The following DENND1B variants were observed in gnomAD, a reference collection of about 807,000 sequenced individuals.
The protein encoded by DENND1B is DENN domain-containing protein 1B.
Under a neutral mutation model 90.1 loss-of-function variants are expected in DENND1B, and 59 were observed. The observed-to-expected ratio is 0.65, with a 90% CI of 0.53 to 0.81. DENND1B has a LOEUF of 0.81. Among genes scored for constraint, DENND1B ranks in the 40% least tolerant of loss-of-function variants. DENND1B has a pLI of 0.00. For synonymous variants in DENND1B, 337 were observed against 324.6 expected (o/e 1.04, Z -0.41); for missense variants, 862 against 912.6 (o/e 0.94, Z 0.71).
At chr1:197,749,039 A>G (rs1653093964) in intron 2 of DENND1B, among the ~76,000 whole-genome samples, 1 of 152,170 alleles carries the variant, frequency 6.6e-6, no homozygotes, top group South Asian at 2.1e-4. Flanking sequence ...CAGATTGGAT[A>G]CTGTAGAATA....
At chr1:197,539,043 A>T (rs569132458) in intron 20 of DENND1B, among the ~76,000 whole-genome samples, 5 of 152,252 alleles carry the variant, frequency 3.3e-5, no homozygotes, top group Admixed American at 1.3e-4. Flanking sequence ...ACCCAGCCTC[A>T]GGTATTCTGG....
intron 10 of DENND1B, among the ~76,000 whole-genome samples, chr1:197,627,279 A>G (rs938372714): frequency 1.3e-5 from 2 of 152,188 alleles, no homozygotes; most frequent in East Asian, 1.9e-4. Context: ...AAAATCCTCA[A>G]TAGAATACTG....
At chr1:197,562,986 T>A (rs1207244601) in intron 15 of DENND1B, among the ~76,000 whole-genome samples, 6 of 151,944 alleles carry the variant, frequency 3.9e-5, no homozygotes, top group Non-Finnish European at 1.5e-5. Flanking sequence ...AGCAAGGTCC[T>A]AACTCTCTTC....
chr1:197,714,041 A>C, intron 3 of DENND1B, among the ~76,000 whole-genome samples: 1 of 123,536 alleles, frequency 8.1e-6, no homozygotes, highest in African/African-American at 3.1e-5. Context: ...CCCAGGCACG[A>C]TCTCGGCTCA....
At position 197,753,315 on chromosome 1, in the gene DENND1B, A is replaced by C. The variant is rs1027030661; in HGVS notation, c.82+19553T>G. Among the ~76,000 whole-genome samples the C allele has an allele frequency of 2.0e-4, 30 of 152,184 alleles. 1 individual carries two copies. Among genetic ancestry groups the C allele is most frequent in the Admixed American group, 2.0e-3 (30 of 15,298 alleles). On this transcript the variant is annotated intron_variant, in intron 2 of 22. Coordinates refer to ENST00000620048, the MANE Select transcript of DENND1B (RefSeq NM_001195215.2). ...ATATAAAGTAAAGCAAGACAGGCAA[A>C]AATGCTTTCAAAAATTAAAAAAGGG...
intron 11 of DENND1B, among the ~76,000 whole-genome samples, chr1:197,613,633 T>A (rs1205319408): frequency 6.6e-6 from 1 of 150,806 alleles, no homozygotes; most frequent in Non-Finnish European, 1.5e-5. Flanking sequence ...TCCTTCTAGG[T>A]CTCCAGAGAA....
chr1:197,543,978 C>A (rs1670529550), intron 18 of DENND1B, among the ~76,000 whole-genome samples: 1 of 151,198 alleles, frequency 6.6e-6, no homozygotes, highest in Non-Finnish European at 1.5e-5. Context: ...AAATCAAAAC[C>A]CTTGCCTTAA....
At chr1:197,684,266 TAA>T (rs1209886265) in intron 3 of DENND1B, among the ~76,000 whole-genome samples, 4 of 152,126 alleles carry the variant, frequency 2.6e-5, no homozygotes, top group Admixed American at 1.3e-4. Flanking sequence ...GAAAAAAAAT[TAA>T]ATAGAGCGAC....
At chr1:197,578,234 T>TTTG (rs372241433) in intron 15 of DENND1B, among the ~76,000 whole-genome samples, 19,429 of 151,674 alleles carry the variant, frequency 0.13, 1,344 homozygotes, top group Admixed American at 0.16. Context: ...GGTTTTTGTT[T>TTTG]TTGTTGTTGT....
intron 13 of DENND1B, among the ~76,000 whole-genome samples, chr1:197,604,895 A>C (rs1676532920): frequency 6.6e-6 from 1 of 151,186 alleles, no homozygotes; most frequent in Non-Finnish European, 1.5e-5. Context: ...AACTTTAGAA[A>C]ACTGATGAAA....
At chr1:197,746,543 A>C (rs1346156455) in intron 2 of DENND1B, among the ~76,000 whole-genome samples, 1 of 152,234 alleles carries the variant, frequency 6.6e-6, no homozygotes, top group African/African-American at 2.4e-5. Flanking sequence ...TTTCTTATAC[A>C]AATATGAGAA....
chr1:197,599,677 A>G (rs895733321), intron 13 of DENND1B, among the ~76,000 whole-genome samples: 6 of 151,878 alleles, frequency 4.0e-5, no homozygotes, highest in Admixed American at 2.6e-4. Context: ...TTTATTAAGA[A>G]GCAAAATTAA....
chr1:197,520,605 A>T (rs1241996059), intron 20 of DENND1B, among the ~76,000 whole-genome samples: 1 of 151,966 alleles, frequency 6.6e-6, no homozygotes, highest in Non-Finnish European at 1.5e-5. Flanking sequence ...TATCACATTA[A>T]CACTGGTTAT....
intron 2 of DENND1B, among the ~76,000 whole-genome samples, chr1:197,765,108 C>T (rs1406410192): frequency 1.3e-5 from 2 of 152,200 alleles, no homozygotes; most frequent in Non-Finnish European, 2.9e-5. Flanking sequence ...ATTAGTACCA[C>T]AGTCTCCTAA....
intron 2 of DENND1B, among the ~76,000 whole-genome samples, chr1:197,725,937 C>A (rs957789867): frequency 3.3e-5 from 5 of 151,824 alleles, no homozygotes; most frequent in Non-Finnish European, 7.4e-5. Context: ...TTAAAATGAA[C>A]CTCTTAGGAA....
upstream of DENND1B, among the ~76,000 whole-genome samples, chr1:197,778,867 T>C (rs939769653): frequency 1.3e-5 from 2 of 152,204 alleles, no homozygotes; most frequent in African/African-American, 4.8e-5. Context: ...TTACTCTGTT[T>C]CTATTCATTT....
chr1:197,649,391 T>C (rs143672358), intron 7 of DENND1B, among the ~76,000 whole-genome samples: 2 of 152,268 alleles, frequency 1.3e-5, no homozygotes, highest in Non-Finnish European at 1.5e-5. Flanking sequence ...AAGAACTCTT[T>C]GAAGTACTAA....
At chr1:197,719,772 C>T (rs961919825) in intron 2 of DENND1B, among the ~76,000 whole-genome samples, 1 of 152,038 alleles carries the variant, frequency 6.6e-6, no homozygotes. Context: ...AATTACGTAT[C>T]TAAAGCTAAT....
intron 2 of DENND1B, among the ~76,000 whole-genome samples, chr1:197,768,113 TAGCTGCTGC>T (rs1242117757): frequency 1.3e-5 from 2 of 152,116 alleles, no homozygotes; most frequent in African/African-American, 2.4e-5. Context: ...TACAACATAT[TAGCTGCTGC>T]AGCTGCTGCT....
Sources: allele counts gnomAD v4.1 joint callset (sites outside exome capture counted in the v4.1 genomes callset), GRCh38; gene constraint gnomAD v4.1.1; transcripts MANE v1.5; gene names NCBI Gene and HGNC (gene_info 2026-07-23, HGNC 2026-07-21).